The following MOB1A variants were observed in gnomAD, a reference collection of about 807,000 sequenced individuals.
MOB1A encodes MOB kinase activator 1A.
Under a neutral mutation model 25.1 loss-of-function variants are expected in MOB1A, and 10 were observed. The ratio of observed to expected loss-of-function variants is 0.40; its 90% confidence interval spans 0.25 to 0.68. The LOEUF is 0.68. MOB1A is among the 30% of genes least tolerant of loss of function. The pLI is 0.40. For missense variants in MOB1A, 177 were observed against 256.3 expected, an observed-to-expected ratio of 0.69 and a Z score of 2.11; for synonymous variants, 81 against 79.5, an observed-to-expected ratio of 1.02 and a Z score of -0.10.
chr2:74,160,699 C>CA (rs34984227), intron 4 of MOB1A, among the ~76,000 whole-genome samples: 10,062 of 139,966 alleles, frequency 0.072, 1,083 homozygotes, highest in African/African-American at 0.24. Flanking sequence ...GACTCCGTCT[C>CA]AAAAAAAAAA....
Position 74,154,688 on chromosome 2 carries a change from A to G in MOB1A, c.*1880T>C, listed in dbSNP as rs1425234649. The G allele has an allele frequency of 6.6e-6, 1 of 152,250 alleles. No homozygotes were observed. The highest frequency in any genetic ancestry group is 1.5e-5 in the Non-Finnish European group (1 of 68,044). 9.4% of individuals were successfully genotyped at this position (152,250 alleles called of 1,614,324 possible). A position where few individuals can be genotyped will look rare whatever the true frequency, so the allele number is the denominator to read the frequency against. On this transcript the variant is annotated 3_prime_UTR_variant, in exon 6 of 6. Transcript: ENST00000396049. ...TTGTGGACTTAAAAAAGTAAAGCTAACAGGGTTTAAAGTTGAGAGGCAGTT... is the reference window on the plus strand; with the variant it reads ...TTGTGGACTTAAAAAAGTAAAGCTAGCAGGGTTTAAAGTTGAGAGGCAGTT...
intron 2 of MOB1A, among the ~76,000 whole-genome samples, chr2:74,171,384 G>A (rs1693290957): frequency 6.6e-6 from 1 of 152,130 alleles, no homozygotes; most frequent in Non-Finnish European, 1.5e-5. Context: ...TAAGTTAAAG[G>A]AGGATGGCAT....
intron 2 of MOB1A, among the ~76,000 whole-genome samples, chr2:74,169,648 C>T (rs1324442041): frequency 6.6e-6 from 1 of 151,746 alleles, no homozygotes; most frequent in Non-Finnish European, 1.5e-5. Flanking sequence ...GTTTTTCCCC[C>T]GACTGGGTCT....
Position 74,165,235 on chromosome 2 carries a change from A to G in MOB1A, c.392T>C (p.Leu131Pro), listed in dbSNP as rs1175822526. ...WVQDQLDDET[L>P]FPSKIGVPFP... ...TAACTCACCAATCTTAGAAGGAAAAAGAGTTTCATCATCAAGCTGATCTTG... is the reference window on the plus strand; with the variant it reads ...TAACTCACCAATCTTAGAAGGAAAAGGAGTTTCATCATCAAGCTGATCTTG... The change falls in exon 4 of 6, where the codon CTT becomes CCT. Residue 131 changes from leucine to proline, a missense_variant. Physicochemically the swap from Leu to Pro is moderately conservative, Grantham distance 98. Coordinates refer to ENST00000396049, the MANE Select transcript of MOB1A (RefSeq NM_018221.5). 1 of 1,546,020 alleles carries G rather than the reference A, an allele frequency of 6.5e-7. No individual in the cohort carries two copies. The highest frequency in any genetic ancestry group is 8.7e-7 in the Non-Finnish European group (1 of 1,143,844).
At chr2:74,173,858 A>G (rs1195969654) in intron 1 of MOB1A, among the ~76,000 whole-genome samples, 1 of 147,928 alleles carries the variant, frequency 6.8e-6, no homozygotes, top group Non-Finnish European at 1.5e-5. Flanking sequence ...CTGAGGCAGG[A>G]GAATGGGGTG....
chr2:74,157,988 C>T (rs1258005424), intron 5 of MOB1A, among the ~76,000 whole-genome samples: 9 of 151,810 alleles, frequency 5.9e-5, no homozygotes, highest in Admixed American at 2.0e-4. Context: ...TCGAGATCAG[C>T]CTAGCCAACA....
chr2:74,176,275 CAAAAAAA>C (rs1201428854), intron 1 of MOB1A, among the ~76,000 whole-genome samples: 2 of 29,618 alleles, frequency 6.8e-5, no homozygotes, highest in African/African-American at 1.6e-4. Context: ...GACCCTGTCT[CAAAAAAA>C]AAAAAAAAAA....
rs1692700972 is a variant in MOB1A at position 74,152,993 on chromosome 2, T to C, written c.*3575A>G. The stretch of plus-strand genomic sequence containing the variant: ...CCTTTTACAGTCTGAAATATCAAAA[T>C]TGAAAGCAAAAATAGGATGACCAAA... On this transcript the variant is annotated 3_prime_UTR_variant, in exon 6 of 6. Transcript: ENST00000396049. 1 of 152,140 alleles carries C rather than the reference T, an allele frequency of 6.6e-6. No homozygotes were observed. The allele number at this position is 152,140 out of a possible 1,614,324, so 9.4% of individuals were successfully genotyped here. A position where few individuals can be genotyped will look rare whatever the true frequency, so the allele number is the denominator to read the frequency against.
At position 74,152,570 on chromosome 2, in the gene MOB1A, T is replaced by G. The variant is rs963549609; in HGVS notation, c.*3998A>C. On this transcript the variant is annotated 3_prime_UTR_variant, in exon 6 of 6. Coordinates refer to ENST00000396049, the MANE Select transcript of MOB1A (RefSeq NM_018221.5). ...TCTATATTTAAATAGAAATGTGTGT[T>G]GATATACATACTTTAATCAGTCATT... 1.3e-5 allele frequency: 2 copies of G among 152,244 alleles called. No individual in the cohort carries two copies. The highest frequency in any genetic ancestry group is 4.1e-4 in the South Asian group (2 of 4,830). 9.4% of individuals were successfully genotyped at this position (152,244 alleles called of 1,614,324 possible).
At chr2:74,169,627 T>C (rs975455666) in intron 2 of MOB1A, among the ~76,000 whole-genome samples, 1 of 152,174 alleles carries the variant, frequency 6.6e-6, no homozygotes, top group Non-Finnish European at 1.5e-5. Context: ...GTATTTTTTG[T>C]ATTTTACCTT....
intron 2 of MOB1A, among the ~76,000 whole-genome samples, chr2:74,170,721 T>C (rs1693269114): frequency 2.4e-5 from 2 of 84,890 alleles, no homozygotes; most frequent in Admixed American, 1.3e-4. Flanking sequence ...CAAGATTCCA[T>C]CTCAAAAAAA....
intron 2 of MOB1A, among the ~76,000 whole-genome samples, chr2:74,169,406 G>C (rs1340982936): frequency 1.3e-5 from 2 of 152,110 alleles, no homozygotes; most frequent in Non-Finnish European, 2.9e-5. Flanking sequence ...GGAGACTGAG[G>C]TGGGAGAACT....
chr2:74,176,083 TAC>T (rs58496712), intron 1 of MOB1A, among the ~76,000 whole-genome samples: 1,444 of 129,268 alleles, frequency 0.011, 18 homozygotes, highest in African/African-American at 0.012. Flanking sequence ...CCGCCTCTAC[TAC>T]ACACACACAC....
chr2:74,173,620 G>C (rs2103741844), intron 1 of MOB1A, among the ~76,000 whole-genome samples: 1 of 150,966 alleles, frequency 6.6e-6, no homozygotes, highest in Admixed American at 6.6e-5. Context: ...GACCTCAAGT[G>C]ATACACCCGC....
intron 3 of MOB1A, 27 bp from the exon 4 acceptor site, chr2:74,165,378 A>C: frequency 7.1e-7 from 1 of 1,406,320 alleles, no homozygotes; most frequent in Non-Finnish European, 9.4e-7. Flanking sequence ...TTTACTGATA[A>C]ATTTTTCAAA....
chr2:74,170,201 G>A (rs1030195969), intron 2 of MOB1A, among the ~76,000 whole-genome samples: 12 of 151,728 alleles, frequency 7.9e-5, no homozygotes, highest in Non-Finnish European at 1.6e-4. Flanking sequence ...TAGTGCAGTG[G>A]CACAACCTCA....
chr2:74,160,648 C>T (rs961529965), intron 4 of MOB1A, among the ~76,000 whole-genome samples: 9 of 151,844 alleles, frequency 5.9e-5, no homozygotes, highest in South Asian at 2.1e-4. Flanking sequence ...TGCAGTGAGC[C>T]GAGATCGCGC....
chr2:74,165,149 C>G (rs1454544493), intron 4 of MOB1A, 69 bp downstream of exon 4: 10 of 1,253,424 alleles, frequency 8.0e-6, no homozygotes, highest in Non-Finnish European at 1.1e-5. Flanking sequence ...GCAAACCCCC[C>G]CAACTCTATT....
At chr2:74,159,020 C>T in intron 5 of MOB1A, 71 bp downstream of exon 5, 4 of 1,465,824 alleles carry the variant, frequency 2.7e-6, no homozygotes, top group Non-Finnish European at 2.8e-6. Flanking sequence ...AGACACACAG[C>T]TCTTTGTTGA....
Sources: allele counts gnomAD v4.1 joint callset (sites outside exome capture counted in the v4.1 genomes callset), GRCh38; gene constraint gnomAD v4.1.1; transcripts MANE v1.5; gene names NCBI Gene and HGNC (gene_info 2026-07-23, HGNC 2026-07-21).